The following EIF3I variants were observed in gnomAD, a reference collection of about 807,000 sequenced individuals.
The protein encoded by EIF3I is eukaryotic translation initiation factor 3 subunit I.
A neutral mutation model predicts 43.3 loss-of-function variants in EIF3I; 20 were observed. The observed-to-expected ratio is 0.46, with a 90% CI of 0.32 to 0.67. The LOEUF (loss-of-function observed/expected upper bound fraction) is 0.67, where lower values mean the gene tolerates loss of function less well. EIF3I is among the 30% of genes least tolerant of loss of function. The pLI is 0.03. For synonymous variants in EIF3I, 167 were observed against 151.7 expected (o/e 1.10, Z -0.74); for missense variants, 279 against 421.4 (o/e 0.66, Z 2.96).
At chr1:32,229,261 T>C (rs1443870292) in intron 9 of EIF3I, 53 bp downstream of exon 9, 3 of 1,583,852 alleles carry the variant, frequency 1.9e-6, no homozygotes, top group African/African-American at 2.7e-5. Context: ...TGTACCTTTT[T>C]TGTTTGTTTT....
Position 32,224,053 on chromosome 1 carries a change from CTG to C in EIF3I, c.119_120del (p.Val40GlufsTer3), listed in dbSNP as rs1639094937. ...TTCCAGATCGTCAATGTATGGTACTCTGTGAATGGTGAGAGGCTGGGCACCTA... is the reference window on the plus strand; with the variant it reads ...TTCCAGATCGTCAATGTATGGTACTCTGAATGGTGAGAGGCTGGGCACCTA... On this transcript the variant is annotated frameshift_variant, in exon 3 of 12. Coordinates refer to ENST00000676679, the Ensembl canonical transcript of EIF3I. LOFTEE classifies it high-confidence loss of function. 11 of 1,613,966 alleles carry C rather than the reference CTG, an allele frequency of 6.8e-6. No individual in the cohort carries two copies. Among genetic ancestry groups the C allele is most frequent in the Non-Finnish European group, 9.3e-6 (11 of 1,180,020 alleles).
exon 6 of EIF3I, chr1:32,226,465 G>A: frequency 6.3e-7 from 1 of 1,599,902 alleles, no homozygotes; most frequent in Non-Finnish European, 8.5e-7. Context: ...TGCTGTTTGG[G>A]GACCCCTGGG....
intron 4 of EIF3I, among the ~76,000 whole-genome samples, chr1:32,225,954 G>A (rs369179189): frequency 6.6e-6 from 1 of 151,898 alleles, no homozygotes; most frequent in African/African-American, 2.4e-5. Flanking sequence ...CCGGGAGGCG[G>A]AGCTTGCAGT....
chr1:32,229,214 GAA>G lies in EIF3I; in HGVS notation c.803+7_803+8del. On this transcript the variant is annotated splice_region_variant and intron_variant, in intron 9 of 11. Coordinates refer to ENST00000676679, the Ensembl canonical transcript of EIF3I. ...ATTGGCAAGTTTGAGGCCAGGTAAA[GAA>G]GAAGAGAGCTCTTCCAAATTAAAAT... The G allele has an allele frequency of 1.2e-6, 2 of 1,611,518 alleles. No homozygotes were observed. Among genetic ancestry groups the G allele is most frequent in the South Asian group, 2.2e-5 (2 of 90,664 alleles).
chr1:32,227,974 C>T (rs1639172928), intron 6 of EIF3I, among the ~76,000 whole-genome samples: 1 of 152,170 alleles, frequency 6.6e-6, no homozygotes, highest in Admixed American at 6.5e-5. Context: ...AGGTCTCAGC[C>T]AAGTGTGGAA....
chr1:32,233,914 G>A (rs532729584), downstream of EIF3I: 2 of 152,314 alleles, frequency 1.3e-5, no homozygotes, highest in South Asian at 4.1e-4. Context: ...AAGTTAGGAG[G>A]AAGTATGAGA....
At chr1:32,236,076 G>A (rs1471201605), downstream of EIF3I, among the ~76,000 whole-genome samples, 2 of 152,170 alleles carry the variant, frequency 1.3e-5, no homozygotes, top group African/African-American at 2.4e-5. Context: ...CCCATCCATG[G>A]TTTCACTTTC....
exon 5 of EIF3I, chr1:32,226,196 C>T (rs1372405148): frequency 1.2e-6 from 2 of 1,614,102 alleles, no homozygotes; most frequent in Non-Finnish European, 1.7e-6. Context: ...TTCTCAAGAC[C>T]AATTCGGCTG....
chr1:32,232,205 A>G (rs1342454395), downstream of EIF3I: 3 of 151,974 alleles, frequency 2.0e-5, no homozygotes, highest in Admixed American at 6.6e-5. Context: ...GCAGGGAGTG[A>G]GTTTCCAGCC....
intron 4 of EIF3I, 88 bp downstream of exon 4, chr1:32,224,563 G>T (rs1322018338): frequency 3.3e-6 from 3 of 921,606 alleles, no homozygotes; most frequent in Non-Finnish European, 5.2e-6. Flanking sequence ...AAATAGAGAT[G>T]AAATCCATAG....
chr1:32,233,799 CT>C (rs1458768109), downstream of EIF3I, among the ~76,000 whole-genome samples: 1 of 152,108 alleles, frequency 6.6e-6, no homozygotes, highest in Non-Finnish European at 1.5e-5. Context: ...CAAATTTCCC[CT>C]TTAATCCTTG....
chr1:32,222,801 G>T (rs1376383072), intron 2 of EIF3I, among the ~76,000 whole-genome samples, 171 bp downstream of exon 2: 1 of 152,182 alleles, frequency 6.6e-6, no homozygotes, highest in Non-Finnish European at 1.5e-5. Context: ...GGAAAGGTGG[G>T]GAAGAACTCT....
intron 9 of EIF3I, among the ~76,000 whole-genome samples, chr1:32,229,882 C>T (rs962944178): frequency 6.6e-6 from 1 of 152,054 alleles, no homozygotes; most frequent in African/African-American, 2.4e-5. Context: ...TAAATTTCCT[C>T]TACTGTATAA....
At chr1:32,228,609 G>A (rs1281081065) in exon 7 of EIF3I, 2 of 1,614,074 alleles carry the variant, frequency 1.2e-6, no homozygotes, top group South Asian at 1.1e-5. Flanking sequence ...ACACAGCCAA[G>A]GTGAGCCTGG....
At chr1:32,229,109 C>G in intron 8 of EIF3I, 26 bp from the exon 9 acceptor site, 1 of 1,605,058 alleles carries the variant, frequency 6.2e-7, no homozygotes. Flanking sequence ...CCATTGGTCC[C>G]ATCTAGAGTT....
chr1:32,229,096 T>A (rs762364711), intron 8 of EIF3I, 39 bp from the exon 9 acceptor site: 11 of 1,574,860 alleles, frequency 7.0e-6, no homozygotes, highest in Non-Finnish European at 9.5e-6. Context: ...ATGGACTTGG[T>A]GTCCATTGGT....
chr1:32,224,616 A>G (rs1639113126), intron 4 of EIF3I, 141 bp downstream of exon 4: 2 of 587,702 alleles, frequency 3.4e-6, no homozygotes, highest in Non-Finnish European at 6.1e-6. Flanking sequence ...AAGATAGATG[A>G]GAAAATACAC....
chr1:32,226,070 A>G, intron 4 of EIF3I, 101 bp from the exon 5 acceptor site: 1 of 1,446,802 alleles, frequency 6.9e-7, no homozygotes, highest in East Asian at 2.3e-5. Context: ...AGTTTGGGTC[A>G]CTGGAGCAAG....
exon 6 of EIF3I, chr1:32,226,466 G>A (rs772813256): frequency 1.3e-6 from 2 of 1,600,002 alleles, no homozygotes; most frequent in Non-Finnish European, 1.7e-6. Context: ...GCTGTTTGGG[G>A]ACCCCTGGGG....
Sources: gnomAD v4.1 joint callset for allele counts (sites outside exome capture counted in the v4.1 genomes callset) on GRCh38, gnomAD v4.1.1 for gene constraint, MANE v1.5 for transcripts, NCBI Gene and HGNC (gene_info 2026-07-23, HGNC 2026-07-21) for gene names.